The following KIF3C variants were observed in gnomAD, a reference collection of about 807,000 sequenced individuals.
The protein encoded by KIF3C is kinesin-like protein KIF3C.
In KIF3C, 12 loss-of-function variants were observed where a neutral mutation model predicts 67.7. The ratio of observed to expected loss-of-function variants is 0.18; its 90% CI spans 0.11 to 0.29. The LOEUF (loss-of-function observed/expected upper bound fraction) is 0.29, where lower values mean the gene tolerates loss of function less well. Among genes scored for constraint, KIF3C ranks in the 10% least tolerant of loss-of-function variants. The probability of loss-of-function intolerance (pLI) is 1.00; values close to 1 mark genes in which losing one functional copy is unlikely to be tolerated. For synonymous variants in KIF3C, 393 were observed against 426.2 expected (o/e 0.92, Z 0.96); for missense variants, 789 against 1,059.6 (o/e 0.74, Z 3.55).
chr2:25,933,385 T>A (rs1360937959), intron 5 of KIF3C, among the ~76,000 whole-genome samples: 1 of 151,590 alleles, frequency 6.6e-6, no homozygotes, highest in African/African-American at 2.4e-5. Context: ...AAAACCACAA[T>A]GGTGGCTGGG....
At chr2:25,957,066 T>C (rs1663823761) in intron 1 of KIF3C, among the ~76,000 whole-genome samples, 1 of 152,164 alleles carries the variant, frequency 6.6e-6, no homozygotes, top group Non-Finnish European at 1.5e-5. Context: ...TCCCTTCAGG[T>C]CTGTCATCTA....
At chr2:25,945,904 A>C (rs1429014085) in intron 5 of KIF3C, among the ~76,000 whole-genome samples, 2 of 152,088 alleles carry the variant, frequency 1.3e-5, no homozygotes, top group Non-Finnish European at 2.9e-5. Flanking sequence ...TGAGGTCAGG[A>C]GTTCAAAACC....
Position 25,957,109 on chromosome 2 carries a change from G to GC in KIF3C, c.1546-666dup, listed in dbSNP as rs1359993762. Reference sequence around the variant, plus strand: ...GGAACACCGCCTATGTTCCAGGATGGCTGGCAAACATTTGTGGAGCGCTAA... The same window carrying GC: ...GGAACACCGCCTATGTTCCAGGATGGCCTGGCAAACATTTGTGGAGCGCTAA... On this transcript the variant is annotated intron_variant, in intron 1 of 7. Coordinates refer to ENST00000264712, the MANE Select transcript of KIF3C (RefSeq NM_002254.8). Among the ~76,000 whole-genome samples the GC allele has an allele frequency of 4.6e-5, 7 of 152,272 alleles. No individual in the cohort carries two copies. In the East Asian group the frequency reaches 1.4e-3, roughly 29 times the overall value.
intron 1 of KIF3C, among the ~76,000 whole-genome samples, chr2:25,961,947 CA>C (rs201677055): frequency 0.22 from 19,964 of 92,334 alleles, 3,076 homozygotes; most frequent in East Asian, 0.85. Context: ...GACTCCATCT[CA>C]AAAAAAAAAA....
intron 5 of KIF3C, among the ~76,000 whole-genome samples, chr2:25,951,204 C>T (rs902405985): frequency 6.6e-6 from 1 of 152,140 alleles, no homozygotes; most frequent in Non-Finnish European, 1.5e-5. Context: ...GAGCCACACA[C>T]CCAGCCAATG....
intron 5 of KIF3C, among the ~76,000 whole-genome samples, chr2:25,944,105 T>C (rs1345178158): frequency 1.3e-5 from 2 of 151,936 alleles, no homozygotes; most frequent in Non-Finnish European, 2.9e-5. Flanking sequence ...TGGAGTGCAA[T>C]GGCATGATCT....
chr2:25,934,466 C>G (rs576137343), intron 5 of KIF3C, among the ~76,000 whole-genome samples: 25 of 152,000 alleles, frequency 1.6e-4, no homozygotes, highest in African/African-American at 5.8e-4. Context: ...GTAATTCCAG[C>G]TATTAAGGAG....
In KIF3C at chr2:25,929,055, G is replaced by A. The variant is rs199957407; in HGVS notation, c.2305C>T (p.Arg769Trp). ...GCATGTGTGGTGGAAGGTGGAGGCCGCTGAGGACTCTGGCACCTGCAGGGG... is the reference window on the plus strand; with the variant it reads ...GCATGTGTGGTGGAAGGTGGAGGCCACTGAGGACTCTGGCACCTGCAGGGG... ...KSRSWCQSPQ[R>W]PPPSTTHASL... The change falls in exon 8 of 8, where the codon CGG (arginine) becomes TGG (tryptophan). Residue 769 changes from arginine (R) to tryptophan (W), a missense_variant. Physicochemically the swap from Arg to Trp is moderately radical, Grantham distance 101. Around this residue, in one of 2 missense-constraint regions of KIF3C, gnomAD observed 648 missense variants for 807.8 expected, o/e 0.80. Transcript: ENST00000264712. 2.9e-5 allele frequency: 46 copies of A among 1,613,680 alleles called. No homozygotes were observed. In the South Asian group the frequency reaches 2.9e-4, roughly 10 times the overall value.
In KIF3C at chr2:25,978,756, TG is replaced by T. The variant is rs779224710; in HGVS notation, c.1545+1616del. On this transcript the variant is annotated intron_variant, in intron 1 of 7. Transcript: ENST00000264712. The stretch of plus-strand genomic sequence containing the variant: ...TGTTGCCTTCCAGCTTTCAGGGAGG[TG>T]GGGGGTCTTCTTAGCAAAATCAATG... Among the ~76,000 whole-genome samples, 7 of 151,750 alleles carry T rather than the reference TG, an allele frequency of 4.6e-5. No individual in the cohort carries two copies. In the East Asian group the frequency reaches 7.8e-4, roughly 17 times the overall value.
chr2:25,944,126 C>T (rs941542454), intron 5 of KIF3C, among the ~76,000 whole-genome samples: 1 of 151,894 alleles, frequency 6.6e-6, no homozygotes, highest in African/African-American at 2.4e-5. Flanking sequence ...CGGCTCACTG[C>T]AACTTCTGTC....
intron 1 of KIF3C, among the ~76,000 whole-genome samples, chr2:25,964,050 G>A (rs1026737464): frequency 6.6e-6 from 1 of 152,108 alleles, no homozygotes; most frequent in African/African-American, 2.4e-5. Flanking sequence ...GCTCATACCT[G>A]TAATCCCAAC....
rs769603609 is a variant in KIF3C, at chr2:25,981,404, C to T, written c.514G>A (p.Glu172Lys). 2 of 1,614,066 alleles carry T rather than the reference C, an allele frequency of 1.2e-6. No homozygotes were observed. Among genetic ancestry groups the T allele is most frequent in the Non-Finnish European group, 1.7e-6 (2 of 1,180,038 alleles). ...AGGTCCTTGATGTAGACGCCAGTCTCGGGGTTCTCTTTCAGCTCTAGCCTC... is the reference window on the plus strand; with the variant it reads ...AGGTCCTTGATGTAGACGCCAGTCTTGGGGTTCTCTTTCAGCTCTAGCCTC... Reference protein sequence around the residue: ...GKRLELKENPETGVYIKDLSS... With the variant: ...GKRLELKENPKTGVYIKDLSS... Residue 172 changes from glutamate (E) to lysine (K), a missense_variant, in exon 1 of 8, where the codon GAG becomes AAG. Glu to Lys is a moderately conservative substitution (Grantham distance 56). Transcript: ENST00000264712. This position sits in a 1 kb window ranked among gnomAD's most constrained non-coding sequence, Gnocchi z 8.2.
intron 1 of KIF3C, among the ~76,000 whole-genome samples, chr2:25,963,284 A>G (rs1162135374): frequency 8.7e-5 from 12 of 138,082 alleles, no homozygotes; most frequent in African/African-American, 3.3e-4. Flanking sequence ...CAGCTCACTG[A>G]AACCTCCCGC....
intron 1 of KIF3C, among the ~76,000 whole-genome samples, chr2:25,957,440 G>T (rs897435616): frequency 1.3e-5 from 2 of 152,166 alleles, no homozygotes; most frequent in African/African-American, 4.8e-5. Context: ...TTCTGGTTTG[G>T]GGGGGTGCCC....
At chr2:25,959,971 G>A (rs1229649718) in intron 1 of KIF3C, among the ~76,000 whole-genome samples, 1 of 152,162 alleles carries the variant, frequency 6.6e-6, no homozygotes, top group East Asian at 1.9e-4. Context: ...CTGAATCTGG[G>A]ACACGCTTGT....
chr2:25,943,333 C>T (rs954532048), intron 5 of KIF3C, among the ~76,000 whole-genome samples: 3 of 152,106 alleles, frequency 2.0e-5, no homozygotes, highest in Non-Finnish European at 4.4e-5. Flanking sequence ...GACCTCCCTG[C>T]CCTCAACCTT....
intron 5 of KIF3C, among the ~76,000 whole-genome samples, chr2:25,939,710 T>C (rs1304700586): frequency 6.6e-6 from 1 of 151,916 alleles, no homozygotes. Context: ...CCAGCACTTT[T>C]GGGAGGCCGA....
At chr2:25,936,635 C>T (rs1249535914) in intron 5 of KIF3C, among the ~76,000 whole-genome samples, 3 of 152,074 alleles carry the variant, frequency 2.0e-5, no homozygotes, top group African/African-American at 7.2e-5. Flanking sequence ...AACATTTTCC[C>T]TGGGGTATGG....
At position 25,927,572 on chromosome 2, in the gene KIF3C, C is replaced by T. The variant is rs937101300; in HGVS notation, c.*1406G>A. 2.6e-5 allele frequency: 4 copies of T among 151,942 alleles called. No homozygotes were observed. The highest frequency in any genetic ancestry group is 7.3e-5 in the African/African-American group (3 of 41,346). The allele number at this position is 151,942 out of a possible 1,614,324, so 9.4% of individuals were successfully genotyped here. ...TTCCTGAAGGAAAGAGAATAACCCCCGCCACCACCTCCCACACCCCCCATT... is the reference window on the plus strand; with the variant it reads ...TTCCTGAAGGAAAGAGAATAACCCCTGCCACCACCTCCCACACCCCCCATT... On this transcript the variant is annotated 3_prime_UTR_variant, in exon 8 of 8. Coordinates refer to ENST00000264712, the MANE Select transcript of KIF3C (RefSeq NM_002254.8).
Sources: gnomAD v4.1 joint callset for allele counts (sites outside exome capture counted in the v4.1 genomes callset) on GRCh38, gnomAD v4.1.1 for gene constraint, gnomAD v4.1.1 regional missense constraint, Gnocchi (gnomAD v3.1) non-coding constraint, MANE v1.5 for transcripts, NCBI Gene and HGNC (gene_info 2026-07-23, HGNC 2026-07-21) for gene names.